The following PPT2 variants were observed in gnomAD, a reference collection of about 807,000 sequenced individuals.
PPT2 encodes the protein lysosomal thioesterase PPT2.
PPT2 carries 20 observed loss-of-function variants against 37.3 expected under a neutral mutation model. The ratio of observed to expected loss-of-function variants is 0.54; its 90% CI spans 0.38 to 0.78. The LOEUF is 0.78. PPT2 is among the 30% of genes least tolerant of loss of function. PPT2 has a pLI of 0.00. For synonymous variants in PPT2, 135 were observed against 159.1 expected, an observed-to-expected ratio of 0.85 and a Z score of 1.14; for missense variants, 270 against 389.8, an observed-to-expected ratio of 0.69 and a Z score of 2.59.
chr6:32,157,696 G>C lies in PPT2; in HGVS notation c.601G>C (p.Glu201Gln). The C allele has an allele frequency of 1.2e-6, 2 of 1,601,514 alleles. No homozygotes were observed. Among genetic ancestry groups the C allele is most frequent in the Non-Finnish European group, 1.7e-6 (2 of 1,169,384 alleles). ...CAGCTTCCTGGCCCTGATCAATGGG[G>C]AAAGAGACCATCCCAATGCCACAGG... Reference protein sequence around the residue: ...ASSFLALINGERDHPNATVWR... With the variant: ...ASSFLALINGQRDHPNATVWR... Residue 201 changes from glutamate to glutamine, a missense_variant, in exon 6 of 9, where the codon GAA becomes CAA. Transcript: ENST00000324816.
upstream of PPT2, chr6:32,154,125 C>T (rs1783554829): frequency 1.8e-6 from 2 of 1,088,208 alleles, no homozygotes; most frequent in Non-Finnish European, 2.2e-6. The surrounding 1 kb of genome is among the most constrained non-coding windows in gnomAD (Gnocchi z 7.3). Context: ...GCAGCCCGCC[C>T]TTCCCCCTCC....
At position 32,154,430 on chromosome 6, in the gene PPT2, G is replaced by C. The variant is rs1582602322; in HGVS notation, c.-9+26G>C. 9 of 1,474,168 alleles carry C rather than the reference G, an allele frequency of 6.1e-6. No individual in the cohort carries two copies. The East Asian group carries it at 2.1e-4, about 35-fold the overall frequency. 91.3% of individuals were successfully genotyped at this position (1,474,168 alleles called of 1,614,324 possible). On this transcript the variant is annotated intron_variant, in intron 1 of 8. Coordinates refer to ENST00000324816, the MANE Select transcript of PPT2 (RefSeq NM_005155.7). The surrounding 1 kb of genome is among the most constrained non-coding windows in gnomAD (Gnocchi z 7.3). ...GTGCGTCAACGTGGTGGGGGGGTGT[G>C]TTTGTAGGGAGAGGGCTGGAGTAAG...
In PPT2 at chr6:32,154,363, C is replaced by A. The variant is rs766038131; in HGVS notation, c.-50C>A. 5 of 1,420,486 alleles carry A rather than the reference C, an allele frequency of 3.5e-6. No homozygotes were observed. Among genetic ancestry groups the A allele is most frequent in the Non-Finnish European group, 4.6e-6 (5 of 1,091,736 alleles). The allele number at this position is 1,420,486 out of a possible 1,614,324, so 88.0% of individuals were successfully genotyped here. On this transcript the variant is annotated 5_prime_UTR_variant, in exon 1 of 9. Transcript: ENST00000324816. This position sits in a 1 kb window ranked among gnomAD's most constrained non-coding sequence, Gnocchi z 7.3. ...AGATCCTGGACCTAGAGAACAAGTC[C>A]CCCGAACGCTGAGTTGGAGGCGGGA... is the stretch of plus-strand genomic sequence containing the variant.
chr6:32,156,266 C>T lies in PPT2; in HGVS notation c.541+288C>T, dbSNP rs755721004. Among the ~76,000 whole-genome samples, 29 of 152,028 alleles carry T rather than the reference C, an allele frequency of 1.9e-4. No homozygotes were observed. The highest frequency in any genetic ancestry group is 2.6e-4 in the Non-Finnish European group (18 of 68,002). On this transcript the variant is annotated intron_variant, in intron 5 of 8. Coordinates refer to ENST00000324816, the MANE Select transcript of PPT2 (RefSeq NM_005155.7). This position sits in a 1 kb window ranked among gnomAD's most constrained non-coding sequence, Gnocchi z 4.9. ...GATTACAGGCAGGCGCCATCATGCC[C>T]GGCTAAGTTTTGTATTTTAAGTAGA...
rs896463575 is a variant in PPT2 at position 32,162,733 on chromosome 6, T to A, written c.766-74T>A. 3.8e-6 allele frequency: 6 copies of A among 1,588,774 alleles called. No homozygotes were observed. The Admixed American group carries it at 1.0e-4, about 27-fold the overall frequency. ...CACCCTGTGGGGAGGAGGTCCAGGA[T>A]CCCAGCAGTAACTCACTTTGTCTCT... On this transcript the variant is annotated intron_variant, in intron 8 of 8. Coordinates refer to ENST00000324816, the MANE Select transcript of PPT2 (RefSeq NM_005155.7). The surrounding 1 kb of genome is among the most constrained non-coding windows in gnomAD (Gnocchi z 5.5).
Position 32,162,819 on chromosome 6 carries a change from G to C in PPT2, c.778G>C (p.Asp260His). Residue 260 changes from aspartate (D) to histidine (H), a missense_variant, in exon 9 of 9, where the codon GAT becomes CAT. By Grantham distance (81) the Asp-to-His change is moderately conservative. Transcript: ENST00000324816. The surrounding 1 kb of genome is among the most constrained non-coding windows in gnomAD (Gnocchi z 5.5). ...GACCACCTTGAAGGTTTATCTGCGGGATTCTTTTGGGTTGAAGACTCTATT... is the reference window on the plus strand; with the variant it reads ...GACCACCTTGAAGGTTTATCTGCGGCATTCTTTTGGGTTGAAGACTCTATT... Reference protein sequence around the residue: ...EMEEQLVYLRDSFGLKTLLAR... With the variant: ...EMEEQLVYLRHSFGLKTLLAR... 1 of 1,613,528 alleles carries C rather than the reference G, an allele frequency of 6.2e-7. No individual in the cohort carries two copies. Among genetic ancestry groups the C allele is most frequent in the African/African-American group, 1.3e-5 (1 of 74,972 alleles).
In PPT2 at chr6:32,162,393, T is replaced by C. The variant is rs1159642607; in HGVS notation, c.711-175T>C. 6.6e-6 allele frequency among the ~76,000 whole-genome samples: 1 copy of C among 152,022 alleles called. No individual in the cohort carries two copies. The highest frequency in any genetic ancestry group is 2.4e-5 in the African/African-American group (1 of 41,408). On this transcript the variant is annotated intron_variant, in intron 7 of 8. Transcript: ENST00000324816. This position sits in a 1 kb window ranked among gnomAD's most constrained non-coding sequence, Gnocchi z 5.5. ...TGCCACCATGCCCAGCTAATTTTTGTATTTTTAGTAGAGATGGGGTTTCAC... is the reference window on the plus strand; with the variant it reads ...TGCCACCATGCCCAGCTAATTTTTGCATTTTTAGTAGAGATGGGGTTTCAC...
chr6:32,162,931 T>A lies in PPT2; in HGVS notation c.890T>A (p.Ile297Asn). The change falls in exon 9 of 9, where the codon ATT (isoleucine) becomes AAT (asparagine). Residue 297 changes from isoleucine to asparagine, a missense_variant. By Grantham distance (149) the Ile-to-Asn change is moderately radical (BLOSUM62 -3). Coordinates refer to ENST00000324816, the MANE Select transcript of PPT2 (RefSeq NM_005155.7). This position sits in a 1 kb window ranked among gnomAD's most constrained non-coding sequence, Gnocchi z 5.5. ...AACCGTACCCTTTATGAGACCTGCA[T>A]TGAACCTTGGCTCTCCTGAGGATAT... is the stretch of plus-strand genomic sequence containing the variant. The part of the protein sequence containing the change: ...HSNRTLYETC[I>N]EPWLS 6.2e-7 allele frequency: 1 copy of A among 1,613,948 alleles called. No homozygotes were observed. Among genetic ancestry groups the A allele is most frequent in the Non-Finnish European group, 8.5e-7 (1 of 1,179,926 alleles).
At chr6:32,158,775 G>A (rs1783955632) in intron 7 of PPT2, among the ~76,000 whole-genome samples, 1 of 152,164 alleles carries the variant, frequency 6.6e-6, no homozygotes, top group Non-Finnish European at 1.5e-5. Flanking sequence ...GAAGGAGGGA[G>A]TTGTGCTCTG....
rs150005653 is a variant in PPT2, at chr6:32,162,541, A to C, written c.711-27A>C. 5.0e-4 allele frequency: 794 copies of C among 1,592,388 alleles called. 4 individuals are homozygous for C. In the African/African-American group the frequency reaches 9.5e-3, roughly 19 times the overall value. On this transcript the variant is annotated intron_variant, in intron 7 of 8. Coordinates refer to ENST00000324816, the MANE Select transcript of PPT2 (RefSeq NM_005155.7). The surrounding 1 kb of genome is among the most constrained non-coding windows in gnomAD (Gnocchi z 5.5). ...GGCCAGATTTTCTCCAGCTCTTCTGATAACCTCCCCCCAAATCTCTTTGTA... is the reference window on the plus strand; with the variant it reads ...GGCCAGATTTTCTCCAGCTCTTCTGCTAACCTCCCCCCAAATCTCTTTGTA...
At chr6:32,157,808 C>T (rs894546426) in intron 6 of PPT2, 32 bp from the exon 7 acceptor site, 3 of 1,600,244 alleles carry the variant, frequency 1.9e-6, no homozygotes, top group Non-Finnish European at 2.6e-6. Context: ...ACCCCTGTGG[C>T]TGACTCAGCC....
chr6:32,155,584 C>CGTGTG lies in PPT2; in HGVS notation c.338-104_338-103insGTGTG, dbSNP rs1783721783. On this transcript the variant is annotated intron_variant, in intron 3 of 8. Transcript: ENST00000324816. The surrounding 1 kb of genome is among the most constrained non-coding windows in gnomAD (Gnocchi z 4.3). ...GTACAGTGTGTGTCTGTGTGTGTCT[C>CGTGTG]TGTGTGTGTGTGTGTGTGTGTGTGT... is the stretch of plus-strand genomic sequence containing the variant. 1.4e-6 allele frequency: 1 copy of CGTGTG among 696,988 alleles called. No individual in the cohort carries two copies. Among genetic ancestry groups the CGTGTG allele is most frequent in the Non-Finnish European group, 2.4e-6 (1 of 408,472 alleles). 43.2% of individuals were successfully genotyped at this position (696,988 alleles called of 1,614,324 possible).
rs955267400 is a variant in PPT2 at position 32,163,279 on chromosome 6, C to T, written c.*329C>T. The T allele has an allele frequency of 2.4e-5, 8 of 331,046 alleles. No individual in the cohort carries two copies. The highest frequency in any genetic ancestry group is 3.9e-5 in the Non-Finnish European group (7 of 181,002). The allele number at this position is 331,046 out of a possible 1,614,324, so 20.5% of individuals were successfully genotyped here. On this transcript the variant is annotated 3_prime_UTR_variant, in exon 9 of 9. Coordinates refer to ENST00000324816, the MANE Select transcript of PPT2 (RefSeq NM_005155.7). ...GCTGCTTTTGCTGCTGCTGCTCCTC[C>T]GTATCTGGCTGTATGGGTGGAGAAC...
At position 32,162,630 on chromosome 6, in the gene PPT2, C is replaced by A. The variant is rs534965417; in HGVS notation, c.765+8C>A. On this transcript the variant is annotated splice_region_variant and intron_variant, in intron 8 of 8. Transcript: ENST00000324816. This position sits in a 1 kb window ranked among gnomAD's most constrained non-coding sequence, Gnocchi z 5.5. ...GAGATGGAGGAGCAACTGGTGAGCC[C>A]CCTGGGATTACTTCCCCTTCTAGCC... is the stretch of plus-strand genomic sequence containing the variant. 1.6e-5 allele frequency: 26 copies of A among 1,603,392 alleles called. No homozygotes were observed. The South Asian group carries it at 2.6e-4, about 16-fold the overall frequency.
rs574146458 is a variant in PPT2, at chr6:32,157,834, C to A, written c.626-6C>A. 1 of 1,611,888 alleles carries A rather than the reference C, an allele frequency of 6.2e-7. No homozygotes were observed. The highest frequency in any genetic ancestry group is 1.1e-5 in the South Asian group (1 of 90,984). On this transcript the variant is annotated splice_region_variant and splice_polypyrimidine_tract_variant and intron_variant, in intron 6 of 8. Transcript: ENST00000324816. ...TGACTCAGCCTCTCTTCTTCCCATC[C>A]TACAGTATGGCGGAAGAACTTTCTG...
chr6:32,159,207 G>C (rs965956668), intron 7 of PPT2, among the ~76,000 whole-genome samples: 2 of 151,952 alleles, frequency 1.3e-5, no homozygotes, highest in Non-Finnish European at 2.9e-5. Flanking sequence ...GGCCGAGGCA[G>C]TGGATCACCT....
chr6:32,154,856 C>T lies in PPT2; in HGVS notation c.183+79C>T. ...GGAGGGAGAGCGGGGAACTGAAAGC[C>T]ACCCCTCTGGGCCTGCCCAGTTCCT... On this transcript the variant is annotated intron_variant, in intron 2 of 8. Transcript: ENST00000324816. The surrounding 1 kb of genome is among the most constrained non-coding windows in gnomAD (Gnocchi z 7.3). 6.5e-7 allele frequency: 1 copy of T among 1,544,662 alleles called. No homozygotes were observed. The highest frequency in any genetic ancestry group is 2.3e-5 in the East Asian group (1 of 43,312).
upstream of PPT2, chr6:32,153,696 C>A: frequency 6.4e-7 from 1 of 1,555,874 alleles, no homozygotes; most frequent in Non-Finnish European, 8.7e-7. This position sits in a 1 kb window ranked among gnomAD's most constrained non-coding sequence, Gnocchi z 4.4. Flanking sequence ...GAGGGGCACG[C>A]CCGGGCTGGC....
At position 32,156,148 on chromosome 6, in the gene PPT2, C is replaced by T. The variant is rs1288064598; in HGVS notation, c.541+170C>T. 1.3e-5 allele frequency among the ~76,000 whole-genome samples: 2 copies of T among 151,850 alleles called. No individual in the cohort carries two copies. Among genetic ancestry groups the T allele is most frequent in the African/African-American group, 2.4e-5 (1 of 41,296 alleles). On this transcript the variant is annotated intron_variant, in intron 5 of 8. Coordinates refer to ENST00000324816, the MANE Select transcript of PPT2 (RefSeq NM_005155.7). This position sits in a 1 kb window ranked among gnomAD's most constrained non-coding sequence, Gnocchi z 4.9. Reference sequence around the variant, plus strand: ...TTGAGACGGAGTCTTGTTCTGTTGCCCAGGCTGGAGTGCAGTGCACCATCT... The same window carrying T: ...TTGAGACGGAGTCTTGTTCTGTTGCTCAGGCTGGAGTGCAGTGCACCATCT...
Sources: allele counts gnomAD v4.1 joint callset (sites outside exome capture counted in the v4.1 genomes callset), GRCh38; gene constraint gnomAD v4.1.1; non-coding constraint Gnocchi (gnomAD v3.1); transcripts MANE v1.5; gene names NCBI Gene and HGNC (gene_info 2026-07-23, HGNC 2026-07-21).